Variants in ZNF385D observed in about 807,000 individuals in gnomAD.
ZNF385D encodes the protein zinc finger protein 385D, also known as zinc finger protein 659.
Under a neutral mutation model 35.8 loss-of-function variants are expected in ZNF385D, and 15 were observed. The ratio of observed to expected loss-of-function variants is 0.42; its 90% confidence interval spans 0.28 to 0.64. ZNF385D has a LOEUF of 0.64. ZNF385D is among the 30% of genes least tolerant of loss of function. The probability of loss-of-function intolerance (pLI) is 0.23; values close to 1 mark genes in which losing one functional copy is unlikely to be tolerated. For missense variants in ZNF385D, 474 were observed against 494.6 expected, an observed-to-expected ratio of 0.96 and a Z score of 0.39; for synonymous variants, 212 against 186.8, an observed-to-expected ratio of 1.13 and a Z score of -1.10.
At chr3:21,720,401 A>T (rs1049128526) in intron 1 of ZNF385D, among the ~76,000 whole-genome samples, 1 of 152,152 alleles carries the variant, frequency 6.6e-6, no homozygotes. Flanking sequence ...CAAAAATTTA[A>T]ATGTTATCCT....
chr3:22,020,985 G>C (rs975146425), intron 3 of ZNF385D, among the ~76,000 whole-genome samples: 3 of 151,866 alleles, frequency 2.0e-5, no homozygotes, highest in Non-Finnish European at 4.4e-5. Flanking sequence ...AATATGGATG[G>C]AACAGGAGGC....
chr3:22,047,419 C>A (rs1024435908), intron 3 of ZNF385D, among the ~76,000 whole-genome samples: 7 of 152,066 alleles, frequency 4.6e-5, no homozygotes, highest in African/African-American at 1.4e-4. Flanking sequence ...ACTCCTCAGC[C>A]TCTAGTAACC....
chr3:21,627,008 A>T (rs2065152012), intron 2 of ZNF385D, among the ~76,000 whole-genome samples: 1 of 151,724 alleles, frequency 6.6e-6, no homozygotes. Context: ...TCAATGTTTT[A>T]CAGTGAAAAA....
At chr3:21,558,005 T>A (rs752568977) in intron 3 of ZNF385D, among the ~76,000 whole-genome samples, 6 of 152,194 alleles carry the variant, frequency 3.9e-5, no homozygotes, top group Admixed American at 6.5e-5. Context: ...GATACCCCTT[T>A]ATCATTTTTT....
At chr3:21,889,947 C>G (rs5003417) in intron 3 of ZNF385D, among the ~76,000 whole-genome samples, 17,374 of 151,864 alleles carry the variant, frequency 0.11, 1,570 homozygotes, top group East Asian at 0.36. Flanking sequence ...CTGTGTGTGC[C>G]TGTGTGTGCG....
chr3:21,867,389 C>T (rs949378463), intron 3 of ZNF385D, among the ~76,000 whole-genome samples: 17 of 152,112 alleles, frequency 1.1e-4, no homozygotes, highest in Admixed American at 2.0e-4. Context: ...CAGGCCTCAC[C>T]TCTCCAGGTG....
chr3:22,218,649 GC>G (rs1698047755), intron 2 of ZNF385D, among the ~76,000 whole-genome samples: 1 of 151,972 alleles, frequency 6.6e-6, no homozygotes, highest in Non-Finnish European at 1.5e-5. Context: ...TCTCCTGCTG[GC>G]CCAGAAGGTT....
chr3:22,208,058 T>C (rs1181603463), intron 2 of ZNF385D, among the ~76,000 whole-genome samples: 1 of 151,982 alleles, frequency 6.6e-6, no homozygotes, highest in African/African-American at 2.4e-5. Flanking sequence ...TACTATACGA[T>C]GCAGCAATTC....
intron 3 of ZNF385D, among the ~76,000 whole-genome samples, chr3:22,148,059 T>G (rs1166659915): frequency 6.6e-6 from 1 of 152,190 alleles, no homozygotes; most frequent in Non-Finnish European, 1.5e-5. Context: ...GTGGCTTATT[T>G]TTAGTATTTT....
intron 3 of ZNF385D, among the ~76,000 whole-genome samples, chr3:21,981,603 T>C (rs1694455163): frequency 1.3e-5 from 2 of 152,212 alleles, no homozygotes; most frequent in Non-Finnish European, 1.5e-5. Flanking sequence ...TTTGTTGCAA[T>C]TGCTTTTGGT....
chr3:21,798,412 C>T (rs1036584991), intron 3 of ZNF385D, among the ~76,000 whole-genome samples: 4 of 152,234 alleles, frequency 2.6e-5, no homozygotes, highest in South Asian at 2.1e-4. Context: ...TATCTCTAGA[C>T]GCGGGACCAC....
At chr3:22,227,170 A>T in intron 2 of ZNF385D, among the ~76,000 whole-genome samples, 1 of 151,338 alleles carries the variant, frequency 6.6e-6, no homozygotes, top group South Asian at 2.1e-4. Flanking sequence ...GTGTGTATAT[A>T]TATGTGTATG....
intron 2 of ZNF385D, among the ~76,000 whole-genome samples, chr3:21,650,109 G>T (rs556151580): frequency 1.3e-5 from 2 of 152,226 alleles, no homozygotes; most frequent in East Asian, 3.9e-4. Flanking sequence ...AGGAAGGCAG[G>T]TATCCTGGAA....
At chr3:22,316,923 T>A (rs1575106299) in intron 2 of ZNF385D, among the ~76,000 whole-genome samples, 1 of 152,000 alleles carries the variant, frequency 6.6e-6, no homozygotes, top group Admixed American at 6.6e-5. Flanking sequence ...CTTCACCAAG[T>A]GCAGGAAGGG....
At chr3:22,005,641 G>T (rs1696155532) in intron 3 of ZNF385D, among the ~76,000 whole-genome samples, 1 of 151,924 alleles carries the variant, frequency 6.6e-6, no homozygotes, top group Admixed American at 6.6e-5. Flanking sequence ...GAATTAAAAT[G>T]AAATATTCAC....
chr3:22,082,433 G>A (rs1165731203), intron 3 of ZNF385D, among the ~76,000 whole-genome samples: 1 of 152,178 alleles, frequency 6.6e-6, no homozygotes, highest in East Asian at 1.9e-4. Context: ...CCATGCCCAG[G>A]GAGACTTGCT....
chr3:22,273,725 T>C (rs1379911560), intron 2 of ZNF385D, among the ~76,000 whole-genome samples: 1 of 152,024 alleles, frequency 6.6e-6, no homozygotes, highest in Non-Finnish European at 1.5e-5. Context: ...AAAACAGACA[T>C]ATTTACAGAT....
At chr3:21,765,425 C>A (rs894260785) in intron 3 of ZNF385D, among the ~76,000 whole-genome samples, 1 of 152,044 alleles carries the variant, frequency 6.6e-6, no homozygotes, top group South Asian at 2.1e-4. Context: ...CTGGACATAA[C>A]TGATTTGATT....
chr3:21,694,747 G>A (rs1286765831), intron 1 of ZNF385D, among the ~76,000 whole-genome samples: 1 of 152,138 alleles, frequency 6.6e-6, no homozygotes, highest in African/African-American at 2.4e-5. Context: ...TTCTTGTTAT[G>A]TATTTTAATT....
Sources: allele counts gnomAD v4.1 joint callset (sites outside exome capture counted in the v4.1 genomes callset), GRCh38; gene constraint gnomAD v4.1.1; transcripts MANE v1.5; gene names NCBI Gene and HGNC (gene_info 2026-07-23, HGNC 2026-07-21).